The following NUP50 variants were observed in gnomAD, a reference collection of about 807,000 sequenced individuals.
The protein encoded by NUP50 is nuclear pore complex protein Nup50.
In NUP50, 14 loss-of-function variants were observed where a neutral mutation model predicts 36.8. The observed-to-expected ratio is 0.38, with a 90% CI of 0.25 to 0.59. The LOEUF (loss-of-function observed/expected upper bound fraction) is 0.59. Ranked by LOEUF, NUP50 falls within the 20% of genes least tolerant of loss-of-function variation. The pLI is 0.63. For synonymous variants in NUP50, 195 were observed against 210.8 expected (o/e 0.93, Z 0.65); for missense variants, 455 against 564.6 (o/e 0.81, Z 1.97).
At chr22:45,167,190 GC>G (rs2074107615) in intron 1 of NUP50, among the ~76,000 whole-genome samples, 1 of 152,188 alleles carries the variant, frequency 6.6e-6, no homozygotes, top group African/African-American at 2.4e-5. Flanking sequence ...AGGAGTTCAG[GC>G]AGGTTTAACA....
At position 45,168,252 on chromosome 22, in the gene NUP50, A is replaced by T; in HGVS notation, c.69+6A>T. ...AAGAAGATGAAGCTGAAGAGGTAAA[A>T]AGCAGCTTCCCTAAGAATGATTTCC... On this transcript the variant is annotated splice_donor_region_variant and intron_variant, in intron 2 of 7. Transcript: ENST00000347635. 1.9e-6 allele frequency: 3 copies of T among 1,600,040 alleles called. No individual in the cohort carries two copies. The highest frequency in any genetic ancestry group is 2.6e-6 in the Non-Finnish European group (3 of 1,173,234).
chr22:45,173,689 C>A (rs1028378847), intron 3 of NUP50, among the ~76,000 whole-genome samples: 6 of 152,126 alleles, frequency 3.9e-5, no homozygotes, highest in African/African-American at 1.4e-4. Flanking sequence ...AGAAACAAAG[C>A]TCACTGCAGA....
chr22:45,171,924 A>G, intron 3 of NUP50: 1 of 444,652 alleles, frequency 2.2e-6, no homozygotes, highest in Non-Finnish European at 4.1e-6. Flanking sequence ...AATCTGGAGA[A>G]GAAAAATGAG....
chr22:45,175,166 C>G (rs2074258021), intron 3 of NUP50, among the ~76,000 whole-genome samples: 1 of 152,154 alleles, frequency 6.6e-6, no homozygotes, highest in African/African-American at 2.4e-5. Context: ...GAACCTTTCT[C>G]CAAAAGTTCC....
chr22:45,179,130 G>C, intron 5 of NUP50: 1 of 421,456 alleles, frequency 2.4e-6, no homozygotes, highest in Non-Finnish European at 4.2e-6. Flanking sequence ...AAATGAATTT[G>C]AAAACACCTG....
At chr22:45,172,284 G>T (rs537752286) in intron 3 of NUP50, 1 of 151,442 alleles carries the variant, frequency 6.6e-6, no homozygotes, top group Non-Finnish European at 1.5e-5. Context: ...GACATCTGGT[G>T]TTAGGCAGGA....
intron 3 of NUP50, chr22:45,175,670 C>T (rs980828917): frequency 6.8e-6 from 3 of 443,686 alleles, no homozygotes; most frequent in South Asian, 3.8e-5. Context: ...TTTAAATGTC[C>T]TTCCTGCCTG....
rs766768847 is a variant in NUP50 at position 45,184,504 on chromosome 22, C to T, written c.1256C>T (p.Thr419Ile). 20 of 1,613,750 alleles carry T rather than the reference C, an allele frequency of 1.2e-5. 1 individual carries two copies. In the South Asian group the frequency reaches 2.1e-4, roughly 17 times the overall value. ...CCACCCAATATGCCATGTACGCGAA[C>T]AGGGAAGAATAACGTTCTTATCGTC... The part of the protein sequence containing the change: ...LIPPNMPCTR[T>I]GKNNVLIVCV... The change falls in exon 8 of 8, where the codon ACA becomes ATA. Residue 419 changes from threonine to isoleucine, a missense_variant. By Grantham distance (89) the Thr-to-Ile change is moderately conservative. Around this residue, in one of 3 missense-constraint regions of NUP50, gnomAD observed 287 missense variants for 345.5 expected, o/e 0.83. Coordinates refer to ENST00000347635, the MANE Select transcript of NUP50 (RefSeq NM_007172.4).
chr22:45,171,194 A>G (rs1269993435), intron 2 of NUP50: 1 of 1,142,568 alleles, frequency 8.8e-7, no homozygotes, highest in East Asian at 7.1e-5. Context: ...TATAAATAAC[A>G]AAATTTATTT....
intron 2 of NUP50, chr22:45,171,030 G>A (rs1244899512): frequency 7.7e-7 from 1 of 1,304,040 alleles, no homozygotes; most frequent in Non-Finnish European, 1.0e-6. Flanking sequence ...ATATTCAGCA[G>A]CTTTCTGACG....
At chr22:45,168,304 T>C in intron 2 of NUP50, 58 bp downstream of exon 2, 21 of 1,382,162 alleles carry the variant, frequency 1.5e-5, no homozygotes, top group Non-Finnish European at 2.1e-5. Context: ...TACATTCATT[T>C]TGGGGTTCCT....
At chr22:45,174,814 T>C (rs1256244044) in intron 3 of NUP50, among the ~76,000 whole-genome samples, 1 of 152,236 alleles carries the variant, frequency 6.6e-6, no homozygotes, top group African/African-American at 2.4e-5. Context: ...CAATTTTCCA[T>C]TCTTTGCCTC....
intron 3 of NUP50, chr22:45,172,075 G>T: frequency 5.8e-6 from 1 of 171,676 alleles, no homozygotes; most frequent in African/African-American, 2.4e-5. Context: ...AGGCATTTTA[G>T]GTGTGGATTT....
intron 7 of NUP50, chr22:45,184,133 G>A (rs1259070695): frequency 8.9e-6 from 3 of 338,658 alleles, no homozygotes; most frequent in African/African-American, 6.3e-5. Flanking sequence ...GTGCCACCGT[G>A]TTCTTCCTTC....
At position 45,187,260 on chromosome 22, in the gene NUP50, G is replaced by A. The variant is rs6007498; in HGVS notation, c.*2605G>A. The A allele has an allele frequency of 1.4e-5, 2 of 146,606 alleles. No individual in the cohort carries two copies. The highest frequency in any genetic ancestry group is 5.0e-5 in the African/African-American group (2 of 39,800). 9.1% of individuals were successfully genotyped at this position (146,606 alleles called of 1,614,324 possible). On this transcript the variant is annotated 3_prime_UTR_variant, in exon 8 of 8. Coordinates refer to ENST00000347635, the MANE Select transcript of NUP50 (RefSeq NM_007172.4). Reference sequence around the variant, plus strand: ...ATTTGTTATGCCATCTTCATTATTCGAATTACAGACTGAAAAAATATGGCC... The same window carrying A: ...ATTTGTTATGCCATCTTCATTATTCAAATTACAGACTGAAAAAATATGGCC...
intron 5 of NUP50, chr22:45,179,118 T>C (rs2074326153): frequency 2.3e-6 from 1 of 433,264 alleles, no homozygotes; most frequent in Admixed American, 3.9e-5. Flanking sequence ...GGATTAAAAA[T>C]AAAATGAATT....
intron 7 of NUP50, 34 bp from the exon 8 acceptor site, chr22:45,184,419 A>C: frequency 6.3e-7 from 1 of 1,593,584 alleles, no homozygotes; most frequent in Non-Finnish European, 8.6e-7. Flanking sequence ...TATAGCTTCT[A>C]TAATTTTGAT....
Position 45,183,938 on chromosome 22 carries a change from G to A in NUP50, c.1204+418G>A, listed in dbSNP as rs1006206848. On this transcript the variant is annotated intron_variant, in intron 7 of 7. Coordinates refer to ENST00000347635, the MANE Select transcript of NUP50 (RefSeq NM_007172.4). ...GAGGAGGAAGACGGGGCAGGCCTGC[G>A]GTGGAGCGGGCAGTAGTGGTAGAGA... 74 of 212,808 alleles carry A rather than the reference G, an allele frequency of 3.5e-4. No individual in the cohort carries two copies. The South Asian group carries it at 4.7e-3, about 13-fold the overall frequency. The allele number at this position is 212,808 out of a possible 1,614,324, so 13.2% of individuals were successfully genotyped here.
chr22:45,185,577 C>G lies in NUP50; in HGVS notation c.*922C>G, dbSNP rs905317494. The stretch of plus-strand genomic sequence containing the variant: ...TGACGTGCCTGGGAGCTTTGACACA[C>G]GAGCCGTGTGAATTCACTAGGAAAC... On this transcript the variant is annotated 3_prime_UTR_variant, in exon 8 of 8. Transcript: ENST00000347635. 1 of 152,036 alleles carries G rather than the reference C, an allele frequency of 6.6e-6. No homozygotes were observed. 9.4% of individuals were successfully genotyped at this position (152,036 alleles called of 1,614,324 possible). A position where few individuals can be genotyped will look rare whatever the true frequency, so the allele number is the denominator to read the frequency against.
Sources: allele counts gnomAD v4.1 joint callset (sites outside exome capture counted in the v4.1 genomes callset), GRCh38; gene constraint gnomAD v4.1.1; regional missense constraint gnomAD v4.1.1; transcripts MANE v1.5; gene names NCBI Gene and HGNC (gene_info 2026-07-23, HGNC 2026-07-21).